XKR6: variants seen among roughly 807,000 people sequenced by gnomAD.
XKR6 encodes XK related 6, also known as XK-related protein 6.
Under a neutral mutation model 56.7 loss-of-function variants are expected in XKR6, and 22 were observed. That is an observed-to-expected ratio of 0.39 (90% CI 0.28 to 0.55). XKR6 has a LOEUF of 0.55. Ranked by LOEUF, XKR6 falls within the 20% of genes least tolerant of loss-of-function variation. The pLI is 0.66. For missense variants in XKR6, 852 were observed against 889.0 expected, an observed-to-expected ratio of 0.96 and a Z score of 0.53; for synonymous variants, 524 against 387.8, an observed-to-expected ratio of 1.35 and a Z score of -4.13.
chr8:10,970,442 G>T (rs1802373042), intron 1 of XKR6, among the ~76,000 whole-genome samples: 1 of 152,054 alleles, frequency 6.6e-6, no homozygotes, highest in Non-Finnish European at 1.5e-5. Flanking sequence ...CATGTGACTG[G>T]CACTGTCCTA....
intron 1 of XKR6, among the ~76,000 whole-genome samples, chr8:11,023,693 ACTG>A (rs1392043704): frequency 6.6e-6 from 1 of 152,166 alleles, no homozygotes; most frequent in Non-Finnish European, 1.5e-5. Context: ...ACAGCGAGGG[ACTG>A]CTAACTCTGC....
intron 1 of XKR6, among the ~76,000 whole-genome samples, chr8:11,169,703 G>C (rs1167489551): frequency 2.0e-5 from 3 of 152,162 alleles, no homozygotes; most frequent in African/African-American, 4.8e-5. Flanking sequence ...TCTGGAAATG[G>C]ACAGTGGTGA....
chr8:11,043,699 G>A (rs144333818), intron 1 of XKR6, among the ~76,000 whole-genome samples: 1,928 of 152,318 alleles, frequency 0.013, 21 homozygotes, highest in Middle Eastern at 0.02. Flanking sequence ...TCTTGGCCAA[G>A]GGAACCCCAG....
chr8:11,018,140 C>A (rs1228327229), intron 1 of XKR6, among the ~76,000 whole-genome samples: 1 of 152,140 alleles, frequency 6.6e-6, no homozygotes, highest in Non-Finnish European at 1.5e-5. Flanking sequence ...AGCAGCCCCT[C>A]CCTCTGTCTG....
intron 2 of XKR6, among the ~76,000 whole-genome samples, chr8:10,922,555 G>C (rs1449165854): frequency 6.6e-6 from 1 of 152,198 alleles, no homozygotes; most frequent in Admixed American, 6.5e-5. Flanking sequence ...ATCATCATGT[G>C]AGTCTCCTGG....
intron 1 of XKR6, among the ~76,000 whole-genome samples, chr8:10,941,953 T>C (rs1351457658): frequency 6.6e-6 from 1 of 152,182 alleles, no homozygotes; most frequent in Non-Finnish European, 1.5e-5. Flanking sequence ...GGCCAAGAAC[T>C]GTTCAAGCTC....
intron 1 of XKR6, among the ~76,000 whole-genome samples, chr8:11,154,105 C>T (rs1801391435): frequency 1.3e-5 from 2 of 152,166 alleles, no homozygotes; most frequent in South Asian, 4.1e-4. Context: ...TGTGTCATAA[C>T]TAATAGAAGT....
chr8:11,201,754 G>A lies in XKR6; in HGVS notation c.-415C>T, dbSNP rs1312297705. ...AGGCGGTCCAAAGTGATCCCTGGAGGGGGCAGTGCCAGACGTTTTGGGGTC... is the reference window on the plus strand; with the variant it reads ...AGGCGGTCCAAAGTGATCCCTGGAGAGGGCAGTGCCAGACGTTTTGGGGTC... On this transcript the variant is annotated 5_prime_UTR_variant, in exon 1 of 3. Transcript: ENST00000416569. Among the ~76,000 whole-genome samples the A allele has an allele frequency of 6.6e-6, 1 of 152,192 alleles. No homozygotes were observed. The highest frequency in any genetic ancestry group is 2.4e-5 in the African/African-American group (1 of 41,450).
intron 1 of XKR6, among the ~76,000 whole-genome samples, chr8:10,941,537 C>T (rs1349107552): frequency 1.3e-5 from 2 of 152,214 alleles, no homozygotes; most frequent in Non-Finnish European, 2.9e-5. Flanking sequence ...ACCTTCAGCC[C>T]CGCAGGCAGT....
chr8:11,126,411 C>A (rs10503415), intron 1 of XKR6, among the ~76,000 whole-genome samples: 1 of 151,944 alleles, frequency 6.6e-6, no homozygotes, highest in African/African-American at 2.4e-5. Flanking sequence ...TCTACATTTT[C>A]TTATGCTACA....
At chr8:11,199,046 G>C (rs1804050848) in intron 1 of XKR6, among the ~76,000 whole-genome samples, 1 of 152,078 alleles carries the variant, frequency 6.6e-6, no homozygotes. Flanking sequence ...TTGACCCCAA[G>C]CTATGCTTAT....
chr8:11,061,954 G>A (rs570761903), intron 1 of XKR6, among the ~76,000 whole-genome samples: 3 of 152,208 alleles, frequency 2.0e-5, no homozygotes, highest in Non-Finnish European at 4.4e-5. Context: ...GGCTGGCCCT[G>A]CTCCTCCCTC....
At chr8:11,020,123 G>C (rs1798716951) in intron 1 of XKR6, among the ~76,000 whole-genome samples, 1 of 148,194 alleles carries the variant, frequency 6.7e-6, no homozygotes, top group South Asian at 2.2e-4. Context: ...TGAAGTGCTT[G>C]CTTCTGCCCT....
intron 1 of XKR6, among the ~76,000 whole-genome samples, chr8:11,079,611 C>T (rs59724806): frequency 0.22 from 33,636 of 152,090 alleles, 4,117 homozygotes; most frequent in African/African-American, 0.32. Flanking sequence ...ATATTGGTTT[C>T]ACTTTATGTA....
At chr8:10,938,390 C>G (rs528651417) in intron 1 of XKR6, among the ~76,000 whole-genome samples, 3 of 152,202 alleles carry the variant, frequency 2.0e-5, no homozygotes, top group Non-Finnish European at 4.4e-5. Context: ...AGCTGTAGAG[C>G]GGAGCTGTTC....
intron 2 of XKR6, among the ~76,000 whole-genome samples, chr8:10,923,175 T>C (rs1267566603): frequency 2.0e-5 from 3 of 152,260 alleles, no homozygotes; most frequent in Non-Finnish European, 4.4e-5. Flanking sequence ...TTATGCTTCC[T>C]GAAGCCTTGT....
chr8:10,980,030 T>C (rs1330134591), intron 1 of XKR6, among the ~76,000 whole-genome samples: 3 of 152,216 alleles, frequency 2.0e-5, no homozygotes, highest in Non-Finnish European at 4.4e-5. Context: ...GGCAGACATC[T>C]CTGTCCCAAG....
chr8:10,983,838 G>A (rs574719371), intron 1 of XKR6, among the ~76,000 whole-genome samples: 337 of 151,952 alleles, frequency 2.2e-3, no homozygotes, highest in Non-Finnish European at 3.7e-3. Flanking sequence ...TGTATTTTTC[G>A]TTGAGTTGGG....
intron 1 of XKR6, among the ~76,000 whole-genome samples, chr8:11,165,260 T>C (rs181641309): frequency 7.2e-5 from 11 of 151,996 alleles, no homozygotes; most frequent in Non-Finnish European, 1.3e-4. Flanking sequence ...CCACCACACC[T>C]AGCTAATTTT....
Sources: allele counts gnomAD v4.1 joint callset (sites outside exome capture counted in the v4.1 genomes callset), GRCh38; gene constraint gnomAD v4.1.1; transcripts MANE v1.5; gene names NCBI Gene and HGNC (gene_info 2026-07-23, HGNC 2026-07-21).